The following MICAL2 variants were observed in gnomAD, a reference collection of about 807,000 sequenced individuals.
The protein encoded by MICAL2 is microtubule associated monooxygenase, calponin and LIM domain containing 2.
A neutral mutation model predicts 127.3 loss-of-function variants in MICAL2; 77 were observed. That is an observed-to-expected ratio of 0.60 (90% CI 0.50 to 0.73). The LOEUF (loss-of-function observed/expected upper bound fraction) is 0.73, where lower values mean the gene tolerates loss of function less well. MICAL2 is among the 30% of genes least tolerant of loss of function. The pLI is 0.00. For synonymous variants in MICAL2, 570 were observed against 551.1 expected (o/e 1.03, Z -0.48); for missense variants, 1,351 against 1,434.4 (o/e 0.94, Z 0.94).
At chr11:12,220,817 TG>T (rs1856732142) in intron 9 of MICAL2, among the ~76,000 whole-genome samples, 1 of 152,242 alleles carries the variant, frequency 6.6e-6, no homozygotes, top group African/African-American at 2.4e-5. Context: ...CGGCCCTTTG[TG>T]GCCTTTGAGA....
chr11:12,242,432 G>T lies in MICAL2; in HGVS notation c.2556G>T (p.Gln852His). The change falls in exon 19 of 28, where the codon CAG becomes CAT. Residue 852 changes from glutamine to histidine, a missense_variant and splice_region_variant. Gln to His is a conservative substitution (Grantham distance 24). Around this residue, in one of 2 missense-constraint regions of MICAL2, gnomAD observed 752 missense variants for 719.4 expected, o/e 1.05. Transcript: ENST00000683283. Reference protein sequence around the residue: ...RLQQVEEKILQKRAQNLANRE... With the variant: ...RLQQVEEKILHKRAQNLANRE... ...AGCAAGTGGAGGAAAAGATTCTCCA[G>T]GTGAGAGACTCACTTTTTGCCCGTC... The T allele has an allele frequency of 1.3e-6, 2 of 1,598,186 alleles. No homozygotes were observed. The highest frequency in any genetic ancestry group is 1.7e-6 in the Non-Finnish European group (2 of 1,170,342).
At chr11:12,257,894 G>C (rs117154055) in intron 24 of MICAL2, among the ~76,000 whole-genome samples, 1 of 152,140 alleles carries the variant, frequency 6.6e-6, no homozygotes. Context: ...TGCGTGCCCC[G>C]TCTGGGTCTT....
intron 2 of MICAL2, among the ~76,000 whole-genome samples, chr11:12,283,359 A>G (rs1481242826): frequency 6.6e-6 from 1 of 151,994 alleles, no homozygotes; most frequent in Non-Finnish European, 1.5e-5. Context: ...AAAAAAAAAA[A>G]AAAGACTCTA....
intron 15 of MICAL2, among the ~76,000 whole-genome samples, chr11:12,229,684 A>T (rs77162046): frequency 3.3e-5 from 5 of 152,188 alleles, no homozygotes; most frequent in African/African-American, 1.2e-4. Context: ...GGAGCTGGGG[A>T]TGGTTAAAAG....
chr11:12,134,392 GGGGCTGGGTCT>G (rs1197817344), intron 1 of MICAL2, among the ~76,000 whole-genome samples: 4 of 152,076 alleles, frequency 2.6e-5, no homozygotes, highest in Non-Finnish European at 5.9e-5. Context: ...GCATGGCTCC[GGGGCTGGGTCT>G]GAGGCTCCGT....
chr11:12,272,840 C>T, upstream of MICAL2, among the ~76,000 whole-genome samples: 1 of 152,132 alleles, frequency 6.6e-6, no homozygotes, highest in East Asian at 1.9e-4. Context: ...TTTCATGTAA[C>T]CTAGCAGGAA....
At chr11:12,335,443 A>G (rs1938734103) in intron 32 of MICAL2, among the ~76,000 whole-genome samples, 1 of 151,958 alleles carries the variant, frequency 6.6e-6, no homozygotes, top group East Asian at 1.9e-4. Flanking sequence ...GCTGTGCAGA[A>G]GCTCTTGAGT....
upstream of MICAL2, among the ~76,000 whole-genome samples, chr11:12,273,542 A>G (rs1010199350): frequency 1.9e-5 from 2 of 103,106 alleles, no homozygotes; most frequent in Non-Finnish European, 4.4e-5. Context: ...TGCTGCAGAC[A>G]TGTTTTTTTT....
At chr11:12,151,290 G>C (rs945418604) in intron 2 of MICAL2, among the ~76,000 whole-genome samples, 2 of 152,188 alleles carry the variant, frequency 1.3e-5, no homozygotes, top group Non-Finnish European at 2.9e-5. Context: ...AACTTTTGCA[G>C]AACACTAAGG....
chr11:12,185,185 ATGGATGGGTGGGGGGATGGGTGGG>A, intron 3 of MICAL2, among the ~76,000 whole-genome samples: 1 of 8,172 alleles, frequency 1.2e-4, no homozygotes, highest in Middle Eastern at 0.062. Flanking sequence ...GGCTGGATGG[ATGGATGGGTGGGGGGATGGGTGGG>A]TGGCAGGATG....
chr11:12,302,176 C>T (rs1020249955), intron 29 of MICAL2, among the ~76,000 whole-genome samples: 13 of 152,218 alleles, frequency 8.5e-5, no homozygotes, highest in Middle Eastern at 3.4e-3. Flanking sequence ...ACTTATGTCG[C>T]GAGTCTGTTC....
At chr11:12,160,811 C>T (rs905634475) in intron 2 of MICAL2, among the ~76,000 whole-genome samples, 5 of 152,350 alleles carry the variant, frequency 3.3e-5, no homozygotes, top group African/African-American at 4.8e-5. Flanking sequence ...TACGTATTCC[C>T]GGCCCCTTGA....
At chr11:12,271,058 C>T (rs1863669569) in intron 24 of MICAL2, among the ~76,000 whole-genome samples, 1 of 152,196 alleles carries the variant, frequency 6.6e-6, no homozygotes, top group Admixed American at 6.5e-5. Flanking sequence ...CTGGCTCTGC[C>T]TTTCCCAGGC....
At chr11:12,223,732 C>T (rs1180102821) in intron 12 of MICAL2, among the ~76,000 whole-genome samples, 4 of 152,148 alleles carry the variant, frequency 2.6e-5, no homozygotes, top group Admixed American at 6.5e-5. Flanking sequence ...TAGTGTGTGT[C>T]GAGAGCTTCA....
At chr11:12,220,560 G>T in intron 9 of MICAL2, 102 bp downstream of exon 9, 1 of 1,465,032 alleles carries the variant, frequency 6.8e-7, no homozygotes, top group Non-Finnish European at 9.1e-7. Context: ...GAGAGGACAG[G>T]CTCTCAGCCA....
chr11:12,218,173 G>C (rs1280933803), intron 8 of MICAL2, among the ~76,000 whole-genome samples: 2 of 152,198 alleles, frequency 1.3e-5, no homozygotes, highest in Non-Finnish European at 2.9e-5. Flanking sequence ...GAAGAGTAAA[G>C]TTTCTCTTCA....
At chr11:12,297,290 C>A (rs1470639382) in intron 29 of MICAL2, among the ~76,000 whole-genome samples, 1 of 152,046 alleles carries the variant, frequency 6.6e-6, no homozygotes, top group East Asian at 1.9e-4. Flanking sequence ...GATTGAACAT[C>A]TTTTTATATG....
intron 4 of MICAL2, among the ~76,000 whole-genome samples, chr11:12,206,288 T>C (rs1156373723): frequency 6.6e-6 from 1 of 152,194 alleles, no homozygotes; most frequent in Non-Finnish European, 1.5e-5. Context: ...AGCCCTTCTC[T>C]GCCCTCATTG....
At chr11:12,128,890 G>A (rs1412906616) in intron 1 of MICAL2, among the ~76,000 whole-genome samples, 1 of 152,236 alleles carries the variant, frequency 6.6e-6, no homozygotes, top group Non-Finnish European at 1.5e-5. Context: ...TATCAGAGAA[G>A]CTATGTCAAC....
Sources: gnomAD v4.1 joint callset for allele counts (sites outside exome capture counted in the v4.1 genomes callset) on GRCh38, gnomAD v4.1.1 for gene constraint, gnomAD v4.1.1 regional missense constraint, MANE v1.5 for transcripts, NCBI Gene and HGNC (gene_info 2026-07-23, HGNC 2026-07-21) for gene names.